Variants in EVI5 observed in about 807,000 individuals in gnomAD.
The protein encoded by EVI5 is ecotropic viral integration site 5, also known as ecotropic viral integration site 5 protein homolog.
A neutral mutation model predicts 112.0 loss-of-function variants in EVI5; 73 were observed. The ratio of observed to expected loss-of-function variants is 0.65; its 90% CI spans 0.54 to 0.79. The LOEUF is 0.79. Ranked by LOEUF, EVI5 falls within the 30% of genes least tolerant of loss-of-function variation. The pLI is 0.00. For missense variants in EVI5, 900 were observed against 968.8 expected, an observed-to-expected ratio of 0.93 and a Z score of 0.94; for synonymous variants, 305 against 319.9, an observed-to-expected ratio of 0.95 and a Z score of 0.50.
chr1:92,788,123 T>C (rs1442974318), upstream of EVI5, among the ~76,000 whole-genome samples: 1 of 152,082 alleles, frequency 6.6e-6, no homozygotes, highest in African/African-American at 2.4e-5. Context: ...TATTCACTTA[T>C]CAAAAAATAT....
intron 19 of EVI5, among the ~76,000 whole-genome samples, chr1:92,524,702 T>C (rs1661547359): frequency 6.6e-6 from 1 of 152,208 alleles, no homozygotes; most frequent in Admixed American, 6.5e-5. Context: ...TCCTACTAAG[T>C]GTCAATCTTC....
At chr1:92,777,490 T>C (rs1229808401) in intron 1 of EVI5, among the ~76,000 whole-genome samples, 2 of 152,180 alleles carry the variant, frequency 1.3e-5, no homozygotes, top group Non-Finnish European at 2.9e-5. Context: ...CTTGAGATTA[T>C]AAGATCCTGG....
At chr1:92,776,186 G>A (rs1684112240) in intron 1 of EVI5, among the ~76,000 whole-genome samples, 1 of 151,420 alleles carries the variant, frequency 6.6e-6, no homozygotes, top group Non-Finnish European at 1.5e-5. Context: ...ATATTAGAAG[G>A]AAAAAATCTA....
At chr1:92,600,510 GA>G (rs1399236236) in intron 18 of EVI5, among the ~76,000 whole-genome samples, 9 of 152,190 alleles carry the variant, frequency 5.9e-5, no homozygotes, top group Admixed American at 5.2e-4. Context: ...GATAAATTAT[GA>G]TTCACTGTTG....
At chr1:92,566,487 G>A (rs907886238) in intron 18 of EVI5, among the ~76,000 whole-genome samples, 4 of 151,966 alleles carry the variant, frequency 2.6e-5, no homozygotes, top group Non-Finnish European at 5.9e-5. Flanking sequence ...ATAAATGTAT[G>A]GCATATACAA....
At chr1:92,743,750 G>T (rs1678810827) in intron 1 of EVI5, among the ~76,000 whole-genome samples, 1 of 152,148 alleles carries the variant, frequency 6.6e-6, no homozygotes, top group African/African-American at 2.4e-5. Context: ...TCTCTCTTTT[G>T]TTCTTGTTAC....
At chr1:92,649,801 A>T (rs1008218410) in intron 13 of EVI5, among the ~76,000 whole-genome samples, 1 of 152,176 alleles carries the variant, frequency 6.6e-6, no homozygotes, top group Non-Finnish European at 1.5e-5. Flanking sequence ...ACAGAGAAAG[A>T]CCCTGCCTAA....
chr1:92,730,138 G>A (rs1475462706), intron 2 of EVI5, among the ~76,000 whole-genome samples: 1 of 152,166 alleles, frequency 6.6e-6, no homozygotes, highest in East Asian at 1.9e-4. Context: ...GCAGAGGCAG[G>A]AGGATCACTT....
At chr1:92,549,395 C>T (rs1666390189) in intron 19 of EVI5, among the ~76,000 whole-genome samples, 1 of 151,896 alleles carries the variant, frequency 6.6e-6, no homozygotes, top group Non-Finnish European at 1.5e-5. Context: ...TATAAAAACC[C>T]TAGAAGAAAA....
chr1:92,645,246 G>A (rs1470765462), intron 13 of EVI5, among the ~76,000 whole-genome samples: 1 of 152,032 alleles, frequency 6.6e-6, no homozygotes, highest in East Asian at 1.9e-4. Flanking sequence ...ATTATAGATA[G>A]TTCTCTTTAC....
At position 92,607,580 on chromosome 1, in the gene EVI5, C is replaced by T. The variant is rs2101603096; in HGVS notation, c.1974+1G>A. On this transcript the variant is annotated splice_donor_variant, in intron 17 of 19. Transcript: ENST00000684568. LOFTEE classifies it high-confidence loss of function. ...CAAAATCAGTTAGTTGACATATTTACCTTGCATTCAATCTCTGCTTGTTTA... is the reference window on the plus strand; with the variant it reads ...CAAAATCAGTTAGTTGACATATTTATCTTGCATTCAATCTCTGCTTGTTTA... 1.3e-6 allele frequency: 2 copies of T among 1,564,490 alleles called. No homozygotes were observed. The highest frequency in any genetic ancestry group is 1.7e-6 in the Non-Finnish European group (2 of 1,161,908).
rs201842104 is a variant in EVI5, at chr1:92,605,348, C to T, written c.2029G>A (p.Val677Met). Residue 677 changes from valine (V) to methionine (M), a missense_variant, in exon 18 of 20, where the codon GTG (valine) becomes ATG (methionine). Physicochemically the swap from Val to Met is conservative, Grantham distance 21. Transcript: ENST00000684568. ...RLREADSIAA[V>M]AELRQHIAEL... is the part of the protein sequence containing the mutation. Reference sequence around the variant, plus strand: ...GCAATGTGTTGTCGTAGTTCAGCCACAGCAGCTATGCTATCTGCTTCCCGA... The same window carrying T: ...GCAATGTGTTGTCGTAGTTCAGCCATAGCAGCTATGCTATCTGCTTCCCGA... 5 of 1,613,760 alleles carry T rather than the reference C, an allele frequency of 3.1e-6. No homozygotes were observed. The highest frequency in any genetic ancestry group is 8.5e-7 in the Non-Finnish European group (1 of 1,179,682).
At chr1:92,538,476 G>A (rs1163731840) in intron 19 of EVI5, among the ~76,000 whole-genome samples, 2 of 152,204 alleles carry the variant, frequency 1.3e-5, no homozygotes, top group Non-Finnish European at 2.9e-5. Flanking sequence ...ATTCTGTTCA[G>A]AGGAAATTCT....
intron 19 of EVI5, among the ~76,000 whole-genome samples, chr1:92,522,422 G>T (rs1661088704): frequency 6.6e-6 from 1 of 151,976 alleles, no homozygotes; most frequent in Admixed American, 6.5e-5. Flanking sequence ...AGGATCACAA[G>T]GTCAGGAGCT....
intron 19 of EVI5, among the ~76,000 whole-genome samples, chr1:92,533,370 T>C (rs1030046261): frequency 2.6e-5 from 4 of 152,106 alleles, no homozygotes; most frequent in Admixed American, 2.0e-4. Context: ...AAAGAGGAGA[T>C]TGTACCATTC....
Position 92,719,658 on chromosome 1 carries a change from T to A in EVI5, c.150-14914A>T, listed in dbSNP as rs1486635008. Reference sequence around the variant, plus strand: ...GCACAAGACAGGGATGCCCTCTCTCTCCACTCCTATTCAACATACTGTTGG... The same window carrying A: ...GCACAAGACAGGGATGCCCTCTCTCACCACTCCTATTCAACATACTGTTGG... On this transcript the variant is annotated intron_variant, in intron 2 of 19. Coordinates refer to ENST00000684568, the MANE Select transcript of EVI5 (RefSeq NM_001350197.2). Among the ~76,000 whole-genome samples the A allele has an allele frequency of 1.1e-4, 16 of 151,950 alleles. 1 individual carries two copies.
intron 16 of EVI5, among the ~76,000 whole-genome samples, chr1:92,622,059 G>A (rs186468636): frequency 7.9e-5 from 12 of 151,918 alleles, no homozygotes; most frequent in Admixed American, 7.2e-4. Context: ...GGCAGAGGTT[G>A]CACTGAGCTG....
At chr1:92,700,269 T>C (rs958652668) in intron 5 of EVI5, among the ~76,000 whole-genome samples, 1 of 152,240 alleles carries the variant, frequency 6.6e-6, no homozygotes, top group Non-Finnish European at 1.5e-5. Context: ...CCTAATATTA[T>C]AGGAGTGAGA....
At chr1:92,531,165 A>T (rs1266455261) in intron 19 of EVI5, among the ~76,000 whole-genome samples, 1 of 151,968 alleles carries the variant, frequency 6.6e-6, no homozygotes, top group Non-Finnish European at 1.5e-5. Context: ...AGCCAAACAG[A>T]TCAAGCAGAA....
Sources: allele counts gnomAD v4.1 joint callset (sites outside exome capture counted in the v4.1 genomes callset), GRCh38; gene constraint gnomAD v4.1.1; transcripts MANE v1.5; gene names NCBI Gene and HGNC (gene_info 2026-07-23, HGNC 2026-07-21).